The following SAMD3 variants were observed in gnomAD, a reference collection of about 807,000 sequenced individuals.
The protein encoded by SAMD3 is sterile alpha motif domain containing 3.
In SAMD3, 63 loss-of-function variants were observed where a neutral mutation model predicts 58.5. The ratio of observed to expected loss-of-function variants is 1.08; its 90% confidence interval spans 0.88 to 1.33. SAMD3 has a LOEUF of 1.33. Among genes scored for constraint, SAMD3 ranks in the 40% most tolerant of loss-of-function variants. The pLI is 0.00. For missense variants in SAMD3, 604 were observed against 608.4 expected (o/e 0.99, Z 0.08); for synonymous variants, 220 against 210.3 (o/e 1.05, Z -0.40).
chr6:130,347,649 C>T (rs949339281), intron 1 of SAMD3, among the ~76,000 whole-genome samples: 17 of 152,124 alleles, frequency 1.1e-4, no homozygotes, highest in Non-Finnish European at 2.2e-4. Context: ...TTGGAACACA[C>T]TTTGCAGGAT....
At chr6:130,267,805 G>A (rs1001383760) in intron 2 of SAMD3, among the ~76,000 whole-genome samples, 1 of 152,182 alleles carries the variant, frequency 6.6e-6, no homozygotes, top group African/African-American at 2.4e-5. Context: ...TGTCACTTAT[G>A]CCCTGCTTGC....
chr6:130,221,181 A>C (rs1796211156), intron 1 of SAMD3, among the ~76,000 whole-genome samples: 1 of 152,216 alleles, frequency 6.6e-6, no homozygotes, highest in Non-Finnish European at 1.5e-5. Context: ...AATTGGTGAC[A>C]AAGAAGGGAT....
chr6:130,322,892 T>A (rs1380741221), intron 1 of SAMD3, among the ~76,000 whole-genome samples: 1 of 152,196 alleles, frequency 6.6e-6, no homozygotes, highest in Admixed American at 6.5e-5. Flanking sequence ...AGTGATTTGC[T>A]GGTTAACAGA....
At position 130,260,655 on chromosome 6, in the gene SAMD3, C is replaced by G. The variant is rs559909067; in HGVS notation, c.-187-37842G>C. Among the ~76,000 whole-genome samples, 3 of 152,298 alleles carry G rather than the reference C, an allele frequency of 2.0e-5. No homozygotes were observed. In the South Asian group the frequency reaches 6.2e-4, roughly 32 times the overall value. On this transcript the variant is annotated intron_variant, in intron 2 of 13. Coordinates refer to the SAMD3 transcript ENST00000368134. ...GGAAGCAAGGTGATTGGCGAATGGT[C>G]GAGGCAGCTCCTTAGGTGACTTAAG...
chr6:130,202,828 C>T (rs150233636), intron 5 of SAMD3, among the ~76,000 whole-genome samples: 56 of 152,280 alleles, frequency 3.7e-4, no homozygotes, highest in Non-Finnish European at 8.1e-4. Context: ...TCTTGCATTT[C>T]CCTCTCAGAT....
chr6:130,166,655 G>T (rs573045066), intron 8 of SAMD3, among the ~76,000 whole-genome samples: 27 of 152,168 alleles, frequency 1.8e-4, no homozygotes, highest in African/African-American at 6.0e-4. Flanking sequence ...TTGGGGTATG[G>T]GAAAGACTGC....
chr6:130,165,519 T>G (rs1025255425), intron 8 of SAMD3, among the ~76,000 whole-genome samples: 1 of 152,134 alleles, frequency 6.6e-6, no homozygotes, highest in African/African-American at 2.4e-5. Context: ...AATATCAAAT[T>G]TAGAGTGAAT....
At chr6:130,195,544 CT>C (rs1794020242) in intron 5 of SAMD3, among the ~76,000 whole-genome samples, 1 of 152,156 alleles carries the variant, frequency 6.6e-6, no homozygotes, top group South Asian at 2.1e-4. Context: ...CTCTCCTATC[CT>C]CAATACCTCC....
chr6:130,144,585 T>C lies in SAMD3; in HGVS notation c.1498A>G (p.Ser500Gly), dbSNP rs1286156696. ...FLETLIFDMHSPYFPSLKEKE... is the reference protein window; with the variant it reads ...FLETLIFDMHGPYFPSLKEKE... ...TCTTTCAAAGAAGGAAAATAAGGAC[T>C]GTGCATATCGAAAATCAGCGTTTCT... Residue 500 changes from serine (S) to glycine (G), a missense_variant, in exon 12 of 12, where the codon AGT becomes GGT. Ser to Gly is a moderately conservative substitution (Grantham distance 56). Coordinates refer to ENST00000439090, the MANE Select transcript of SAMD3 (RefSeq NM_001017373.4). The C allele has an allele frequency of 2.5e-6, 4 of 1,614,028 alleles. No individual in the cohort carries two copies. In the Admixed American group the frequency reaches 6.7e-5, roughly 27 times the overall value.
intron 1 of SAMD3, among the ~76,000 whole-genome samples, chr6:130,216,843 T>C (rs543439305): frequency 1.3e-5 from 2 of 152,242 alleles, no homozygotes; most frequent in South Asian, 4.2e-4. Context: ...TGGTGTAAAT[T>C]AAAAATCACA....
chr6:130,153,612 TG>T (rs1789415158), intron 9 of SAMD3, among the ~76,000 whole-genome samples: 1 of 143,354 alleles, frequency 7.0e-6, no homozygotes, highest in Non-Finnish European at 1.5e-5. Context: ...GTGAACTAAA[TG>T]GAAGGGTATT....
intron 7 of SAMD3, among the ~76,000 whole-genome samples, chr6:130,178,903 C>A (rs1038245721): frequency 6.6e-6 from 1 of 152,286 alleles, no homozygotes; most frequent in East Asian, 1.9e-4. Context: ...GTCAGAGGTG[C>A]CTTATCACCT....
intron 1 of SAMD3, among the ~76,000 whole-genome samples, chr6:130,326,209 A>G (rs1776753619): frequency 6.6e-6 from 1 of 152,132 alleles, no homozygotes; most frequent in South Asian, 2.1e-4. Context: ...TTTGTATGTC[A>G]GCCACCTGCC....
At chr6:130,200,606 G>A (rs1794571447) in intron 5 of SAMD3, among the ~76,000 whole-genome samples, 1 of 148,742 alleles carries the variant, frequency 6.7e-6, no homozygotes, top group Non-Finnish European at 1.5e-5. Context: ...ATGCTCAGTT[G>A]TTGCAAAATG....
At chr6:130,213,478 G>T (rs1795754425) in intron 4 of SAMD3, among the ~76,000 whole-genome samples, 1 of 151,864 alleles carries the variant, frequency 6.6e-6, no homozygotes, top group Non-Finnish European at 1.5e-5. Flanking sequence ...AGGAGAAAGA[G>T]AAATCTCTAT....
At chr6:130,190,149 G>A in intron 5 of SAMD3, among the ~76,000 whole-genome samples, 1 of 152,208 alleles carries the variant, frequency 6.6e-6, no homozygotes, top group Non-Finnish European at 1.5e-5. Flanking sequence ...AAAGATAAAA[G>A]AACTCAACAG....
chr6:130,298,437 T>G (rs1775640666), intron 2 of SAMD3, among the ~76,000 whole-genome samples: 1 of 152,098 alleles, frequency 6.6e-6, no homozygotes, highest in Admixed American at 6.6e-5. Context: ...CACACATAAG[T>G]ACACAGATCA....
intron 5 of SAMD3, among the ~76,000 whole-genome samples, chr6:130,202,015 A>G (rs1484286444): frequency 6.6e-6 from 1 of 152,084 alleles, no homozygotes; most frequent in African/African-American, 2.4e-5. Context: ...TCCATCCCCA[A>G]CCCCATGTCT....
chr6:130,363,720 C>G (rs1253209836), intron 1 of SAMD3, among the ~76,000 whole-genome samples: 1 of 152,144 alleles, frequency 6.6e-6, no homozygotes, highest in Admixed American at 6.5e-5. Flanking sequence ...TTACAGGACA[C>G]TTGGATTACT....
Sources: allele counts gnomAD v4.1 joint callset (sites outside exome capture counted in the v4.1 genomes callset), GRCh38; gene constraint gnomAD v4.1.1; transcripts MANE v1.5; gene names NCBI Gene and HGNC (gene_info 2026-07-23, HGNC 2026-07-21).